AGAP1: variants seen among roughly 807,000 people sequenced by gnomAD.
AGAP1 encodes arf-GAP with GTPase, ANK repeat and PH domain-containing protein 1.
Under a neutral mutation model 105.3 loss-of-function variants are expected in AGAP1, and 29 were observed. That is an observed-to-expected ratio of 0.28 (90% CI 0.21 to 0.38). The LOEUF (loss-of-function observed/expected upper bound fraction) is 0.38. AGAP1 is among the 10% of genes least tolerant of loss of function. AGAP1 has a pLI of 1.00. For missense variants in AGAP1, 998 were observed against 1,165.1 expected, an observed-to-expected ratio of 0.86 and a Z score of 2.09; for synonymous variants, 509 against 485.9, an observed-to-expected ratio of 1.05 and a Z score of -0.63.
intron 9 of AGAP1, among the ~76,000 whole-genome samples, chr2:235,817,235 C>G (rs930720653): frequency 2.0e-5 from 3 of 152,012 alleles, no homozygotes; most frequent in African/African-American, 7.2e-5. Context: ...AGACTGTGCA[C>G]TCTGTCCCAA....
rs1312555221 is a variant in AGAP1, at chr2:235,769,757, T to C, written c.673+19269T>C. On this transcript the variant is annotated intron_variant, in intron 6 of 17. Coordinates refer to ENST00000304032, the MANE Select transcript of AGAP1 (RefSeq NM_001037131.3). This position sits in a 1 kb window ranked among gnomAD's most constrained non-coding sequence, Gnocchi z 4.4. ...TCTCCAGGTGCCGCCTCTCACCTGG[T>C]CCTGGATCATGGGGGAGGCACAGGC... Among the ~76,000 whole-genome samples the C allele has an allele frequency of 1.3e-5, 2 of 152,008 alleles. No individual in the cohort carries two copies. The highest frequency in any genetic ancestry group is 2.4e-5 in the African/African-American group (1 of 41,372).
intron 11 of AGAP1, among the ~76,000 whole-genome samples, chr2:235,916,725 TA>T (rs1227069213): frequency 2.0e-5 from 3 of 152,214 alleles, no homozygotes; most frequent in Non-Finnish European, 4.4e-5. Context: ...TTCACAGAAT[TA>T]CATCATTAAT....
chr2:235,886,202 G>C (rs1329121545), intron 10 of AGAP1, among the ~76,000 whole-genome samples: 2 of 152,250 alleles, frequency 1.3e-5, no homozygotes, highest in African/African-American at 2.4e-5. Context: ...TCAGAGAGCA[G>C]AGGTCTAACT....
chr2:236,021,011 C>A (rs918340052), intron 13 of AGAP1, among the ~76,000 whole-genome samples: 1 of 151,842 alleles, frequency 6.6e-6, no homozygotes, highest in South Asian at 2.1e-4. Context: ...ACTAAAAATA[C>A]AAAAATTAGC....
rs1328525428 is a variant in AGAP1, at chr2:235,728,320, T to TGTGTGTGTGTGTGTGTGTGTGC, written c.310+10683_310+10684insTGTGTGTGTGTGTGCGTGTGTG. 7.3e-4 allele frequency among the ~76,000 whole-genome samples: 111 copies of TGTGTGTGTGTGTGTGTGTGTGC among 151,830 alleles called. 1 individual carries two copies. Among genetic ancestry groups the TGTGTGTGTGTGTGTGTGTGTGC allele is most frequent in the African/African-American group, 2.6e-3 (106 of 41,264 alleles). On this transcript the variant is annotated intron_variant, in intron 3 of 17. Transcript: ENST00000304032. The surrounding 1 kb of genome is among the most constrained non-coding windows in gnomAD (Gnocchi z 4.3). ...CAGACTCTGTGTGTGTGTGTGTGTG[T>TGTGTGTGTGTGTGTGTGTGTGC]GTGTGTGCGTGCTCTTAAATCAATG... is the stretch of plus-strand genomic sequence containing the variant.
rs182087466 is a variant in AGAP1 at position 235,893,550 on chromosome 2, G to A, written c.1155+10101G>A. Among the ~76,000 whole-genome samples, 3 of 152,298 alleles carry A rather than the reference G, an allele frequency of 2.0e-5. No homozygotes were observed. Among genetic ancestry groups the A allele is most frequent in the African/African-American group, 7.2e-5 (3 of 41,566 alleles). On this transcript the variant is annotated intron_variant, in intron 10 of 17. Coordinates refer to ENST00000304032, the MANE Select transcript of AGAP1 (RefSeq NM_001037131.3). This position sits in a 1 kb window ranked among gnomAD's most constrained non-coding sequence, Gnocchi z 4.7. The stretch of plus-strand genomic sequence containing the variant: ...GGTGCACCATGTCTGTGGTGCGGGT[G>A]TGCCGTGTCCATCATGAGGGTGCGC...
intron 6 of AGAP1, among the ~76,000 whole-genome samples, chr2:235,770,073 A>C (rs1190801937): frequency 6.6e-6 from 1 of 152,070 alleles, no homozygotes; most frequent in East Asian, 1.9e-4. Context: ...AATCACCTAT[A>C]ATCCCACCTC....
chr2:235,669,157 A>G (rs138319256), intron 1 of AGAP1, among the ~76,000 whole-genome samples: 130 of 152,252 alleles, frequency 8.5e-4, no homozygotes, highest in African/African-American at 2.5e-3. Flanking sequence ...GTGGCCCTTC[A>G]TTGGGATGGC....
chr2:235,926,659 A>G (rs530836560), intron 11 of AGAP1, among the ~76,000 whole-genome samples: 30 of 152,322 alleles, frequency 2.0e-4, no homozygotes, highest in African/African-American at 6.7e-4. Context: ...GAATGGGTAT[A>G]TTTTGAAACA....
At position 235,750,589 on chromosome 2, in the gene AGAP1, T is replaced by C; in HGVS notation, c.673+101T>C. Reference sequence around the variant, plus strand: ...CACTTGTGCATGTGGGTGGTGGAAATATGTCGTTGATGGGTGGGCATTAGT... The same window carrying C: ...CACTTGTGCATGTGGGTGGTGGAAACATGTCGTTGATGGGTGGGCATTAGT... On this transcript the variant is annotated intron_variant, in intron 6 of 17. Transcript: ENST00000304032. The surrounding 1 kb of genome is among the most constrained non-coding windows in gnomAD (Gnocchi z 5.3). 1 of 1,553,282 alleles carries C rather than the reference T, an allele frequency of 6.4e-7. No individual in the cohort carries two copies. The highest frequency in any genetic ancestry group is 8.8e-7 in the Non-Finnish European group (1 of 1,132,032).
rs537316999 is a variant in AGAP1 at position 235,931,842 on chromosome 2, G to A, written c.1483+919G>A. 1.2e-4 allele frequency among the ~76,000 whole-genome samples: 19 copies of A among 152,072 alleles called. No individual in the cohort carries two copies. The highest frequency in any genetic ancestry group is 6.2e-4 in the South Asian group (3 of 4,814). On this transcript the variant is annotated intron_variant, in intron 12 of 17. Coordinates refer to ENST00000304032, the MANE Select transcript of AGAP1 (RefSeq NM_001037131.3). This position sits in a 1 kb window ranked among gnomAD's most constrained non-coding sequence, Gnocchi z 5.6. ...ATCTCCAAACCAAGCCGGGAGACGC[G>A]GAGTCAGCGAGGTAGCTCCACACCA...
intron 9 of AGAP1, among the ~76,000 whole-genome samples, chr2:235,812,769 G>A (rs1450488529): frequency 2.0e-5 from 3 of 152,248 alleles, no homozygotes. Context: ...GAGGTTTACA[G>A]GAGGACGGCT....
rs55719313 is a variant in AGAP1, at chr2:235,965,025, C to T, written c.1484-3437C>T. The stretch of plus-strand genomic sequence containing the variant: ...TGCAGTTCCACCACAACCAAACTGT[C>T]ATAGTGCAGGCTCAGGGGGTCTCAG... On this transcript the variant is annotated intron_variant, in intron 12 of 17. Coordinates refer to ENST00000304032, the MANE Select transcript of AGAP1 (RefSeq NM_001037131.3). This position sits in a 1 kb window ranked among gnomAD's most constrained non-coding sequence, Gnocchi z 5.8. 0.13 allele frequency among the ~76,000 whole-genome samples: 19,711 copies of T among 152,208 alleles called. 3,337 individuals are homozygous for T. The highest frequency in any genetic ancestry group is 0.39 in the African/African-American group (16,347 of 41,458).
Position 235,772,947 on chromosome 2 carries a change from G to C in AGAP1, c.673+22459G>C, listed in dbSNP as rs558176008. ...GATATGGAGTGAAAAGCACCAAGCT[G>C]TCTGTAGCCACTTTTTCTCCCCTCT... On this transcript the variant is annotated intron_variant, in intron 6 of 17. Transcript: ENST00000304032. Among the ~76,000 whole-genome samples, 88 of 147,726 alleles carry C rather than the reference G, an allele frequency of 6.0e-4. 1 individual carries two copies. Among genetic ancestry groups the C allele is most frequent in the African/African-American group, 2.1e-3 (86 of 40,850 alleles).
intron 1 of AGAP1, among the ~76,000 whole-genome samples, chr2:235,644,976 A>G (rs529851652): frequency 1.3e-5 from 2 of 151,722 alleles, no homozygotes; most frequent in South Asian, 2.1e-4. Context: ...GCTCACTGCA[A>G]CCTCCGCCTC....
rs1433304877 is a variant in AGAP1, at chr2:235,729,526, C to T, written c.311-11437C>T. 6.6e-6 allele frequency among the ~76,000 whole-genome samples: 1 copy of T among 152,138 alleles called. No homozygotes were observed. Among genetic ancestry groups the T allele is most frequent in the African/African-American group, 2.4e-5 (1 of 41,390 alleles). On this transcript the variant is annotated intron_variant, in intron 3 of 17. Transcript: ENST00000304032. The surrounding 1 kb of genome is among the most constrained non-coding windows in gnomAD (Gnocchi z 5.0). ...AGTCTCACGGCGGTCTCACCTCTGC[C>T]ACCTGTGGATGAGAGGCTGGACCGG...
chr2:236,005,126 TG>T lies in AGAP1; in HGVS notation c.1646-31434del, dbSNP rs561246348. 0.013 allele frequency among the ~76,000 whole-genome samples: 1,166 copies of T among 87,742 alleles called. 11 individuals carry two copies. The highest frequency in any genetic ancestry group is 0.056 in the African/African-American group (1,106 of 19,682). 57.6% of individuals were successfully genotyped at this position (87,742 alleles called of 152,430 possible). A position where few individuals can be genotyped will look rare whatever the true frequency, so the allele number is the denominator to read the frequency against. ...CCCCTGACAAGTTTCCCATGTTTTT[TG>T]TGTGTGTGTGTGTTTTGGTTTTTGT... On this transcript the variant is annotated intron_variant, in intron 13 of 17. Coordinates refer to ENST00000304032, the MANE Select transcript of AGAP1 (RefSeq NM_001037131.3). The surrounding 1 kb of genome is among the most constrained non-coding windows in gnomAD (Gnocchi z 4.1).
intron 13 of AGAP1, among the ~76,000 whole-genome samples, chr2:235,990,203 A>G (rs1442996150): frequency 1.3e-5 from 2 of 152,186 alleles, no homozygotes; most frequent in African/African-American, 4.8e-5. Flanking sequence ...CTGTTATGTC[A>G]AAGTTACTAT....
rs976365062 is a variant in AGAP1, at chr2:235,740,395, C to T, written c.311-568C>T. Among the ~76,000 whole-genome samples the T allele has an allele frequency of 6.6e-6, 1 of 152,188 alleles. No individual in the cohort carries two copies. The highest frequency in any genetic ancestry group is 1.5e-5 in the Non-Finnish European group (1 of 68,040). ...GCTGTCTCCACCCGTGCGGAGGTCC[C>T]ATCCAGTAGTTTCTGTCTAACCCAT... On this transcript the variant is annotated intron_variant, in intron 3 of 17. Coordinates refer to ENST00000304032, the MANE Select transcript of AGAP1 (RefSeq NM_001037131.3). This position sits in a 1 kb window ranked among gnomAD's most constrained non-coding sequence, Gnocchi z 5.7.
Sources: allele counts gnomAD v4.1 joint callset (sites outside exome capture counted in the v4.1 genomes callset), GRCh38; gene constraint gnomAD v4.1.1; non-coding constraint Gnocchi (gnomAD v3.1); transcripts MANE v1.5; gene names NCBI Gene and HGNC (gene_info 2026-07-23, HGNC 2026-07-21).